ACAP1: variants seen among roughly 807,000 people sequenced by gnomAD.
The protein encoded by ACAP1 is arf-GAP with coiled-coil, ANK repeat and PH domain-containing protein 1.
Under a neutral mutation model 98.8 loss-of-function variants are expected in ACAP1, and 45 were observed. The observed-to-expected ratio is 0.46, with a 90% CI of 0.36 to 0.58. ACAP1 has a LOEUF of 0.58. Among genes scored for constraint, ACAP1 ranks in the 20% least tolerant of loss-of-function variants. The pLI is 0.00. For synonymous variants in ACAP1, 362 were observed against 375.3 expected (o/e 0.96, Z 0.41); for missense variants, 735 against 971.4 (o/e 0.76, Z 3.24).
At chr17:7,348,954 C>G in intron 17 of ACAP1, 41 bp from the exon 18 acceptor site, 2 of 1,585,862 alleles carry the variant, frequency 1.3e-6, no homozygotes, top group Non-Finnish European at 1.7e-6. Context: ...TTCCCAGACT[C>G]GGAGCTGCTT....
Position 7,343,407 on chromosome 17 carries a change from C to T in ACAP1, c.373C>T (p.Arg125Trp), listed in dbSNP as rs779701618. The change falls in exon 6 of 22, where the codon CGG becomes TGG. Residue 125 changes from arginine to tryptophan, a missense_variant. By Grantham distance (101) the Arg-to-Trp change is moderately radical. Around this residue, in one of 5 missense-constraint regions of ACAP1, gnomAD observed 430 missense variants for 531.8 expected, o/e 0.81. Coordinates refer to ENST00000158762, the MANE Select transcript of ACAP1 (RefSeq NM_014716.4). This position sits in a 1 kb window ranked among gnomAD's most constrained non-coding sequence, Gnocchi z 4.9. ...EGLRGFREAR[R>W]DFWRGAESLE... Reference sequence around the variant, plus strand: ...TCTGCGGGGTTTCCGAGAGGCTCGCCGGGATTTCTGGCGGGGGGCTGAGAG... The same window carrying T: ...TCTGCGGGGTTTCCGAGAGGCTCGCTGGGATTTCTGGCGGGGGGCTGAGAG... The T allele has an allele frequency of 8.1e-6, 13 of 1,613,384 alleles. No individual in the cohort carries two copies. The East Asian group carries it at 8.9e-5, about 11-fold the overall frequency.
At chr17:7,346,764 C>T (rs1401943692) in intron 12 of ACAP1, 44 bp from the exon 13 acceptor site, 1 of 1,576,864 alleles carries the variant, frequency 6.3e-7, no homozygotes, top group Non-Finnish European at 8.6e-7. Flanking sequence ...CTTTGCTTCC[C>T]AGGCCTCAGA....
Position 7,344,017 on chromosome 17 carries a change from T to C in ACAP1, c.670-32T>C, listed in dbSNP as rs1454670771. On this transcript the variant is annotated intron_variant, in intron 8 of 21. Transcript: ENST00000158762. The surrounding 1 kb of genome is among the most constrained non-coding windows in gnomAD (Gnocchi z 4.9). Reference sequence around the variant, plus strand: ...GTTAGGGACTCCTAACTGGGGGGCCTTGGACATCTGAGATGCCCTTCCTGT... The same window carrying C: ...GTTAGGGACTCCTAACTGGGGGGCCCTGGACATCTGAGATGCCCTTCCTGT... 3.8e-6 allele frequency: 6 copies of C among 1,579,074 alleles called. No individual in the cohort carries two copies. Among genetic ancestry groups the C allele is most frequent in the East Asian group, 2.3e-5 (1 of 42,688 alleles).
rs1567630582 is a variant in ACAP1 at position 7,346,510 on chromosome 17, G to A, written c.1007+19G>A. 3 of 1,572,052 alleles carry A rather than the reference G, an allele frequency of 1.9e-6. No individual in the cohort carries two copies. The highest frequency in any genetic ancestry group is 2.6e-6 in the Non-Finnish European group (3 of 1,159,290). ...CCAGCAAGTGAGTGCAATCCCCAGG[G>A]GTGATACTCTAATATATCTAAACAA... On this transcript the variant is annotated intron_variant, in intron 12 of 21. Transcript: ENST00000158762.
chr17:7,344,245 C>G lies in ACAP1; in HGVS notation c.744+122C>G. Reference sequence around the variant, plus strand: ...TAGGCATCGTAGTGAAACTCCATCTCTACAGAAAATTTTAAAATTAGCTGG... The same window carrying G: ...TAGGCATCGTAGTGAAACTCCATCTGTACAGAAAATTTTAAAATTAGCTGG... On this transcript the variant is annotated intron_variant, in intron 9 of 21. Transcript: ENST00000158762. The surrounding 1 kb of genome is among the most constrained non-coding windows in gnomAD (Gnocchi z 4.9). The G allele has an allele frequency of 8.5e-7, 1 of 1,171,160 alleles. No individual in the cohort carries two copies. Among genetic ancestry groups the G allele is most frequent in the Non-Finnish European group, 1.2e-6 (1 of 824,802 alleles). The allele number at this position is 1,171,160 out of a possible 1,614,324, so 72.5% of individuals were successfully genotyped here.
At position 7,340,818 on chromosome 17, in the gene ACAP1, C is replaced by T. The variant is rs141667726; in HGVS notation, c.112-1130C>T. Among the ~76,000 whole-genome samples the T allele has an allele frequency of 4.1e-3, 617 of 152,292 alleles. 1 individual carries two copies. Among genetic ancestry groups the T allele is most frequent in the Non-Finnish European group, 6.7e-3 (453 of 68,016 alleles). ...CCAAGATCATGCCATTGCACTCCAG[C>T]TTGGGCAACGGAGCAAAACTCCGTC... On this transcript the variant is annotated intron_variant, in intron 2 of 21. Transcript: ENST00000158762.
In ACAP1 at chr17:7,343,301, T is replaced by C; in HGVS notation, c.345-78T>C. On this transcript the variant is annotated intron_variant, in intron 5 of 21. Transcript: ENST00000158762. This position sits in a 1 kb window ranked among gnomAD's most constrained non-coding sequence, Gnocchi z 4.9. ...GTTGCAGAGACTAACTGAAAGGACA[T>C]GAGGGCTTTACCCTGGGAATGCTCT... The C allele has an allele frequency of 6.8e-7, 1 of 1,462,112 alleles. No individual in the cohort carries two copies. The highest frequency in any genetic ancestry group is 9.3e-7 in the Non-Finnish European group (1 of 1,074,808). 90.6% of individuals were successfully genotyped at this position (1,462,112 alleles called of 1,614,324 possible).
chr17:7,349,835 A>G (rs750657423), intron 18 of ACAP1, 110 bp from the exon 19 acceptor site: 4 of 882,968 alleles, frequency 4.5e-6, no homozygotes, highest in Admixed American at 4.6e-5. Context: ...CACACTCCTG[A>G]TTACCACACT....
chr17:7,337,200 C>T, intron 1 of ACAP1, 112 bp from the exon 2 acceptor site: 1 of 1,002,022 alleles, frequency 1.0e-6, no homozygotes, highest in Non-Finnish European at 1.6e-6. Flanking sequence ...GCGAGCCTCT[C>T]AACTCTGCAG....
rs771379599 is a variant in ACAP1 at position 7,343,842 on chromosome 17, T to C, written c.574-19T>C. 2 of 1,613,922 alleles carry C rather than the reference T, an allele frequency of 1.2e-6. No individual in the cohort carries two copies. The highest frequency in any genetic ancestry group is 4.5e-5 in the East Asian group (2 of 44,892). On this transcript the variant is annotated intron_variant, in intron 7 of 21. Coordinates refer to ENST00000158762, the MANE Select transcript of ACAP1 (RefSeq NM_014716.4). This position sits in a 1 kb window ranked among gnomAD's most constrained non-coding sequence, Gnocchi z 4.9. Reference sequence around the variant, plus strand: ...AGGGGTTCTTCCTCAGCCTTCCCACTGCCCGCCTTGTCCCCCAGGTGCTGC... The same window carrying C: ...AGGGGTTCTTCCTCAGCCTTCCCACCGCCCGCCTTGTCCCCCAGGTGCTGC...
At chr17:7,342,365 C>T (rs2143016572) in intron 4 of ACAP1, 37 bp downstream of exon 4, 1 of 1,613,676 alleles carries the variant, frequency 6.2e-7, no homozygotes, top group East Asian at 2.2e-5. Flanking sequence ...GGGGTGGTGG[C>T]CAGGTCACCT....
chr17:7,339,426 T>C (rs928085578), intron 2 of ACAP1, among the ~76,000 whole-genome samples: 3 of 151,848 alleles, frequency 2.0e-5, no homozygotes, highest in African/African-American at 7.3e-5. Flanking sequence ...CTGACCAACA[T>C]GATGAAACCC....
intron 3 of ACAP1, 34 bp downstream of exon 3, chr17:7,342,101 G>A (rs747534503): frequency 4.3e-6 from 7 of 1,612,114 alleles, no homozygotes; most frequent in Non-Finnish European, 5.9e-6. Context: ...GAGGGAAGGG[G>A]TCTGGGATGA....
At position 7,344,025 on chromosome 17, in the gene ACAP1, C is replaced by T. The variant is rs1431249982; in HGVS notation, c.670-24C>T. The T allele has an allele frequency of 6.3e-7, 1 of 1,582,552 alleles. No individual in the cohort carries two copies. Among genetic ancestry groups the T allele is most frequent in the Admixed American group, 1.8e-5 (1 of 55,060 alleles). ...CTCCTAACTGGGGGGCCTTGGACATCTGAGATGCCCTTCCTGTGCCCAGTT... is the reference window on the plus strand; with the variant it reads ...CTCCTAACTGGGGGGCCTTGGACATTTGAGATGCCCTTCCTGTGCCCAGTT... On this transcript the variant is annotated intron_variant, in intron 8 of 21. Transcript: ENST00000158762. This position sits in a 1 kb window ranked among gnomAD's most constrained non-coding sequence, Gnocchi z 4.9.
At chr17:7,338,247 A>ATTTTAT (rs925537716) in intron 2 of ACAP1, among the ~76,000 whole-genome samples, 4 of 151,860 alleles carry the variant, frequency 2.6e-5, no homozygotes, top group Non-Finnish European at 4.4e-5. Flanking sequence ...ACAAATAATA[A>ATTTTAT]TTTTATTTTT....
chr17:7,346,519 C>CTAA, intron 12 of ACAP1, 28 bp downstream of exon 12: 1 of 1,535,428 alleles, frequency 6.5e-7, no homozygotes, highest in Non-Finnish European at 8.8e-7. Flanking sequence ...GGGTGATACT[C>CTAA]TAATATATCT....
At chr17:7,349,866 C>G in intron 18 of ACAP1, 79 bp from the exon 19 acceptor site, 1 of 1,195,072 alleles carries the variant, frequency 8.4e-7, no homozygotes, top group Non-Finnish European at 1.2e-6. Context: ...ATTCTCTGAA[C>G]TGGCGCCACC....
Position 7,350,275 on chromosome 17 carries a change from T to TC in ACAP1, c.2072+44dup, listed in dbSNP as rs758321602. ...GAAGGGGCGGGGCTGGCGCTGGGAC[T>TC]CCCCCCACCCCCGCCCACCCACGTT... On this transcript the variant is annotated intron_variant, in intron 20 of 21. Coordinates refer to ENST00000158762, the MANE Select transcript of ACAP1 (RefSeq NM_014716.4). This position sits in a 1 kb window ranked among gnomAD's most constrained non-coding sequence, Gnocchi z 4.6. The TC allele has an allele frequency of 2.3e-5, 33 of 1,436,388 alleles. No homozygotes were observed. The highest frequency in any genetic ancestry group is 2.2e-4 in the East Asian group (9 of 40,820). 89.0% of individuals were successfully genotyped at this position (1,436,388 alleles called of 1,614,324 possible).
intron 1 of ACAP1, 113 bp from the exon 2 acceptor site, chr17:7,337,199 T>C: frequency 2.0e-6 from 2 of 990,848 alleles, no homozygotes; most frequent in Non-Finnish European, 3.2e-6. Context: ...GGCGAGCCTC[T>C]CAACTCTGCA....
Sources: allele counts gnomAD v4.1 joint callset (sites outside exome capture counted in the v4.1 genomes callset), GRCh38; gene constraint gnomAD v4.1.1; regional missense constraint gnomAD v4.1.1; non-coding constraint Gnocchi (gnomAD v3.1); transcripts MANE v1.5; gene names NCBI Gene and HGNC (gene_info 2026-07-23, HGNC 2026-07-21).